The following CAMTA1 variants were observed in gnomAD, a reference collection of about 807,000 sequenced individuals.
CAMTA1 encodes the protein calmodulin-binding transcription activator 1.
CAMTA1 carries 27 observed loss-of-function variants against 170.9 expected under a neutral mutation model. The observed-to-expected ratio is 0.16, with a 90% CI of 0.12 to 0.22. The LOEUF (loss-of-function observed/expected upper bound fraction) is 0.22. CAMTA1 is among the 10% of genes least tolerant of loss of function. CAMTA1 has a pLI of 1.00. For missense variants in CAMTA1, 1,619 were observed against 2,217.2 expected (o/e 0.73, Z 5.42); for synonymous variants, 833 against 891.5 (o/e 0.93, Z 1.17).
chr1:7,411,962 T>C (rs548872269), intron 5 of CAMTA1, among the ~76,000 whole-genome samples: 1 of 138,860 alleles, frequency 7.2e-6, no homozygotes, highest in East Asian at 2.3e-4. Flanking sequence ...CCTGTGTCCA[T>C]GTGTTCTCAT....
At chr1:6,942,875 C>A (rs1359127499) in intron 3 of CAMTA1, among the ~76,000 whole-genome samples, 1 of 152,182 alleles carries the variant, frequency 6.6e-6, no homozygotes. Flanking sequence ...GGACTTCAGT[C>A]TGTGCTTGGA....
intron 3 of CAMTA1, among the ~76,000 whole-genome samples, chr1:6,990,158 T>A (rs1300625500): frequency 6.6e-6 from 1 of 152,094 alleles, no homozygotes; most frequent in Non-Finnish European, 1.5e-5. Flanking sequence ...AATGGGAGAG[T>A]GGATATTGGT....
chr1:7,318,291 C>T (rs955453443), intron 5 of CAMTA1, among the ~76,000 whole-genome samples: 7 of 152,188 alleles, frequency 4.6e-5, no homozygotes, highest in Admixed American at 1.3e-4. Flanking sequence ...TGGGTCAGCC[C>T]GTAAAGGCTT....
At chr1:7,702,678 C>T (rs756020809) in intron 11 of CAMTA1, among the ~76,000 whole-genome samples, 7 of 152,194 alleles carry the variant, frequency 4.6e-5, no homozygotes, top group Non-Finnish European at 8.8e-5. Context: ...AAACAACTAA[C>T]TTCTAGAAAC....
At chr1:7,204,664 T>A (rs28760942) in intron 4 of CAMTA1, among the ~76,000 whole-genome samples, 12,701 of 151,912 alleles carry the variant, frequency 0.084, 1,651 homozygotes, top group African/African-American at 0.28. Context: ...CATATGTTAG[T>A]TTGTTGGTTT....
rs143255914 is a variant in CAMTA1, at chr1:7,130,523, A to G, written c.302+39152A>G. On this transcript the variant is annotated intron_variant, in intron 4 of 22. Coordinates refer to ENST00000303635, the MANE Select transcript of CAMTA1 (RefSeq NM_015215.4). The stretch of plus-strand genomic sequence containing the variant: ...GGAAGTATATTGAACTTTATATGAA[A>G]CCATCAAAGTATTTTCCTATGTGAT... Among the ~76,000 whole-genome samples the G allele has an allele frequency of 5.2e-3, 799 of 152,234 alleles. 7 individuals carry two copies. The highest frequency in any genetic ancestry group is 0.019 in the African/African-American group (778 of 41,532).
rs1000035591 is a variant in CAMTA1, at chr1:7,007,780, A to G, written c.235-83524A>G. Among the ~76,000 whole-genome samples the G allele has an allele frequency of 2.0e-5, 3 of 152,166 alleles. No individual in the cohort carries two copies. Among genetic ancestry groups the G allele is most frequent in the Non-Finnish European group, 4.4e-5 (3 of 68,030 alleles). On this transcript the variant is annotated intron_variant, in intron 3 of 22. Transcript: ENST00000303635. This position sits in a 1 kb window ranked among gnomAD's most constrained non-coding sequence, Gnocchi z 4.5. Reference sequence around the variant, plus strand: ...TTTCTACCGACTTCTGGGCCGGGTCATCCACTCCTCCAGAAGAGAGGCCAG... The same window carrying G: ...TTTCTACCGACTTCTGGGCCGGGTCGTCCACTCCTCCAGAAGAGAGGCCAG...
At chr1:7,618,930 C>G (rs1451727955) in intron 6 of CAMTA1, among the ~76,000 whole-genome samples, 1 of 151,918 alleles carries the variant, frequency 6.6e-6, no homozygotes, top group Non-Finnish European at 1.5e-5. Flanking sequence ...TGTCTCTTAT[C>G]CTGATCCCAA....
chr1:7,529,872 AG>A (rs2094471403), intron 6 of CAMTA1, among the ~76,000 whole-genome samples: 1 of 152,246 alleles, frequency 6.6e-6, no homozygotes, highest in South Asian at 2.1e-4. Flanking sequence ...GTAACCCAGA[AG>A]TGAGGCTGTC....
chr1:7,388,002 C>A (rs900074528), intron 5 of CAMTA1, among the ~76,000 whole-genome samples: 23 of 152,162 alleles, frequency 1.5e-4, no homozygotes, highest in African/African-American at 5.1e-4. Context: ...CTCCCCCTTC[C>A]CCTGCCAAGT....
At chr1:7,353,053 G>A (rs2084805613) in intron 5 of CAMTA1, among the ~76,000 whole-genome samples, 1 of 152,230 alleles carries the variant, frequency 6.6e-6, no homozygotes, top group South Asian at 2.1e-4. Flanking sequence ...GAAAGGAATG[G>A]AGACAGAGAA....
Position 7,047,760 on chromosome 1 carries a change from T to G in CAMTA1, c.235-43544T>G, listed in dbSNP as rs1705641026. On this transcript the variant is annotated intron_variant, in intron 3 of 22. Transcript: ENST00000303635. ...TTTGGAGGTTACTAGGATTAGAGATTGAAGCTGATAAGTGCAGCTTCTCCA... is the reference window on the plus strand; with the variant it reads ...TTTGGAGGTTACTAGGATTAGAGATGGAAGCTGATAAGTGCAGCTTCTCCA... Among the ~76,000 whole-genome samples, 5 of 151,290 alleles carry G rather than the reference T, an allele frequency of 3.3e-5. No homozygotes were observed. In the South Asian group the frequency reaches 1.1e-3, roughly 32 times the overall value.
At chr1:6,824,346 G>A (rs563680199) in intron 2 of CAMTA1, among the ~76,000 whole-genome samples, 8 of 152,208 alleles carry the variant, frequency 5.3e-5, no homozygotes, top group African/African-American at 1.9e-4. Context: ...TTATATAAAG[G>A]AAATGATCTC....
At position 7,082,440 on chromosome 1, in the gene CAMTA1, A is replaced by AATAGATAGATAGATAG. The variant is rs150422699; in HGVS notation, c.235-8827_235-8812dup. On this transcript the variant is annotated intron_variant, in intron 3 of 22. Coordinates refer to ENST00000303635, the MANE Select transcript of CAMTA1 (RefSeq NM_015215.4). The stretch of plus-strand genomic sequence containing the variant: ...GTGACGGAGCAAGACTGCATCTCGA[A>AATAGATAGATAGATAG]ATAGATAGATAGATAGATAGATAGA... 6.0e-3 allele frequency among the ~76,000 whole-genome samples: 854 copies of AATAGATAGATAGATAG among 142,308 alleles called. 8 individuals carry two copies. Among genetic ancestry groups the AATAGATAGATAGATAG allele is most frequent in the African/African-American group, 9.9e-3 (374 of 37,700 alleles). 93.4% of individuals were successfully genotyped at this position (142,308 alleles called of 152,430 possible). A position where few individuals can be genotyped will look rare whatever the true frequency, so the allele number is the denominator to read the frequency against.
Position 6,970,226 on chromosome 1 carries a change from A to C in CAMTA1, c.235-121078A>C, listed in dbSNP as rs1692281437. 6.6e-6 allele frequency among the ~76,000 whole-genome samples: 1 copy of C among 152,208 alleles called. No individual in the cohort carries two copies. Among genetic ancestry groups the C allele is most frequent in the Non-Finnish European group, 1.5e-5 (1 of 68,032 alleles). Reference sequence around the variant, plus strand: ...ACATTTCCATTTCCCTACCACTCTCAGTGATTTCAGCGCATCTCTGTGCCT... The same window carrying C: ...ACATTTCCATTTCCCTACCACTCTCCGTGATTTCAGCGCATCTCTGTGCCT... On this transcript the variant is annotated intron_variant, in intron 3 of 22. Transcript: ENST00000303635. This position sits in a 1 kb window ranked among gnomAD's most constrained non-coding sequence, Gnocchi z 4.4.
At chr1:7,099,954 C>T (rs1363972579) in intron 4 of CAMTA1, among the ~76,000 whole-genome samples, 1 of 152,256 alleles carries the variant, frequency 6.6e-6, no homozygotes, top group East Asian at 1.9e-4. Context: ...CAATGTGTCT[C>T]CCGCTGGGGC....
intron 6 of CAMTA1, among the ~76,000 whole-genome samples, chr1:7,611,027 C>G (rs1213610904): frequency 6.6e-6 from 1 of 152,216 alleles, no homozygotes; most frequent in African/African-American, 2.4e-5. Context: ...CCTGTGCAGT[C>G]CTGGACAAAT....
intron 3 of CAMTA1, among the ~76,000 whole-genome samples, chr1:6,948,843 G>A (rs1330839579): frequency 6.6e-6 from 1 of 152,162 alleles, no homozygotes; most frequent in East Asian, 1.9e-4. Flanking sequence ...CGGACCACAA[G>A]GCCTGAGGTG....
rs148901490 is a variant in CAMTA1 at position 6,800,278 on chromosome 1, G to A, written c.45+14703G>A. Among the ~76,000 whole-genome samples, 280 of 152,112 alleles carry A rather than the reference G, an allele frequency of 1.8e-3. 2 individuals carry two copies. The highest frequency in any genetic ancestry group is 6.4e-3 in the African/African-American group (266 of 41,488). ...AAAAATTAGCCAGATGTGTTGGTGT[G>A]CGCCTGTGATCCCAGGTACCTGGGA... On this transcript the variant is annotated intron_variant, in intron 1 of 22. Coordinates refer to ENST00000303635, the MANE Select transcript of CAMTA1 (RefSeq NM_015215.4).
Sources: gnomAD v4.1 joint callset for allele counts (sites outside exome capture counted in the v4.1 genomes callset) on GRCh38, gnomAD v4.1.1 for gene constraint, Gnocchi (gnomAD v3.1) non-coding constraint, MANE v1.5 for transcripts, NCBI Gene and HGNC (gene_info 2026-07-23, HGNC 2026-07-21) for gene names.